DROSHA: variants seen among roughly 807,000 people sequenced by gnomAD.
The protein encoded by DROSHA is drosha ribonuclease III.
A neutral mutation model predicts 181.9 loss-of-function variants in DROSHA; 56 were observed. That is an observed-to-expected ratio of 0.31 (90% CI 0.25 to 0.38). The LOEUF is 0.38. DROSHA is among the 10% of genes least tolerant of loss of function. DROSHA has a pLI of 1.00. For missense variants in DROSHA, 1,218 were observed against 1,743.5 expected (o/e 0.70, Z 5.37); for synonymous variants, 524 against 591.2 (o/e 0.89, Z 1.65).
chr5:31,506,854 A>C (rs1738030604), intron 10 of DROSHA, among the ~76,000 whole-genome samples: 1 of 152,230 alleles, frequency 6.6e-6, no homozygotes, highest in Non-Finnish European at 1.5e-5. Context: ...GGGATCCTAC[A>C]TATTCAGCCC....
At position 31,466,459 on chromosome 5, in the gene DROSHA, G is replaced by A. The variant is rs1338943202; in HGVS notation, c.2367-178C>T. 5.4e-6 allele frequency: 3 copies of A among 554,474 alleles called. No individual in the cohort carries two copies. The East Asian group carries it at 9.6e-5, about 18-fold the overall frequency. The allele number at this position is 554,474 out of a possible 1,614,324, so 34.3% of individuals were successfully genotyped here. A position where few individuals can be genotyped will look rare whatever the true frequency, so the allele number is the denominator to read the frequency against. The stretch of plus-strand genomic sequence containing the variant: ...GACTTTGAGGCTGAGAGTCAGGATG[G>A]ACAAGAGTCAACTGGAACCTGGTGA... On this transcript the variant is annotated intron_variant, in intron 18 of 35. Coordinates refer to ENST00000344624, the MANE Select transcript of DROSHA (RefSeq NM_001382508.1).
intron 30 of DROSHA, among the ~76,000 whole-genome samples, chr5:31,419,440 T>C (rs1334440473): frequency 2.6e-5 from 4 of 152,306 alleles, no homozygotes; most frequent in South Asian, 2.1e-4. Context: ...ACTTCTGGCA[T>C]TGAAGTGACT....
chr5:31,412,820 T>C (rs1401788773), intron 30 of DROSHA, among the ~76,000 whole-genome samples: 2 of 152,324 alleles, frequency 1.3e-5, no homozygotes, highest in South Asian at 2.1e-4. Flanking sequence ...CTTGTAATTA[T>C]GGAATAATTG....
intron 11 of DROSHA, among the ~76,000 whole-genome samples, chr5:31,503,717 T>G (rs554617876): frequency 6.6e-6 from 1 of 152,322 alleles, no homozygotes; most frequent in African/African-American, 2.4e-5. Context: ...CTCGTCAACA[T>G]CTCAGAGCTC....
At chr5:31,465,262 C>A (rs1461311183) in intron 19 of DROSHA, among the ~76,000 whole-genome samples, 11 of 152,090 alleles carry the variant, frequency 7.2e-5, no homozygotes, top group African/African-American at 2.7e-4. Flanking sequence ...ATACTGAAAC[C>A]GTTTATTCTT....
chr5:31,445,950 T>C (rs1746192851), intron 23 of DROSHA, among the ~76,000 whole-genome samples: 1 of 152,084 alleles, frequency 6.6e-6, no homozygotes, highest in African/African-American at 2.4e-5. Context: ...AAAATGAAAT[T>C]AAAAGGATTA....
intron 13 of DROSHA, among the ~76,000 whole-genome samples, chr5:31,489,631 G>T (rs1170800175): frequency 6.6e-6 from 1 of 151,802 alleles, no homozygotes; most frequent in African/African-American, 2.4e-5. Flanking sequence ...ATACTTAAAA[G>T]AACATCCTAT....
Position 31,464,244 on chromosome 5 carries a change from C to T in DROSHA, c.2566G>A (p.Val856Ile), listed in dbSNP as rs1268485783. 1.9e-6 allele frequency: 3 copies of T among 1,613,452 alleles called. No individual in the cohort carries two copies. In the African/African-American group the frequency reaches 4.0e-5, roughly 22 times the overall value. Residue 856 changes from valine (V) to isoleucine (I), a missense_variant, in exon 20 of 36, where the codon GTC (valine) becomes ATC (isoleucine). Coordinates refer to ENST00000344624, the MANE Select transcript of DROSHA (RefSeq NM_001382508.1). ...GFWKTGIRSDVCQHAMMLPVL... is the reference protein window; with the variant it reads ...GFWKTGIRSDICQHAMMLPVL... Reference sequence around the variant, plus strand: ...CTCAGAAGTCTCCCCACCTGACAGACATCAGAACGGATGCCAGTTTTCCAG... The same window carrying T: ...CTCAGAAGTCTCCCCACCTGACAGATATCAGAACGGATGCCAGTTTTCCAG...
chr5:31,489,310 G>A (rs1238757410), intron 13 of DROSHA, among the ~76,000 whole-genome samples: 4 of 152,172 alleles, frequency 2.6e-5, no homozygotes, highest in Non-Finnish European at 5.9e-5. Flanking sequence ...ATTTATGCAC[G>A]TACAGTCCTT....
In DROSHA at chr5:31,460,137, G is replaced by C. The variant is rs115593314; in HGVS notation, c.2574+4099C>G. Among the ~76,000 whole-genome samples the C allele has an allele frequency of 7.9e-3, 1,200 of 152,238 alleles. 10 individuals are homozygous for C. Among genetic ancestry groups the C allele is most frequent in the Non-Finnish European group, 0.011 (763 of 68,016 alleles). On this transcript the variant is annotated intron_variant, in intron 20 of 35. Transcript: ENST00000344624. ...AAAAATACAGGTCTTACTGCAGCATGTTGCTTTTCTTCCTCTTCTGAGTCA... is the reference window on the plus strand; with the variant it reads ...AAAAATACAGGTCTTACTGCAGCATCTTGCTTTTCTTCCTCTTCTGAGTCA...
intron 13 of DROSHA, among the ~76,000 whole-genome samples, chr5:31,490,022 C>T (rs952046619): frequency 4.0e-5 from 6 of 151,868 alleles, no homozygotes; most frequent in Non-Finnish European, 7.4e-5. Flanking sequence ...ATTACAGGTG[C>T]CCGCCACCAC....
chr5:31,520,861 T>G (rs1245937923), intron 6 of DROSHA, among the ~76,000 whole-genome samples: 4 of 152,182 alleles, frequency 2.6e-5, no homozygotes, highest in African/African-American at 9.6e-5. Flanking sequence ...ATGATTAATG[T>G]ATAGTTTTAT....
At chr5:31,442,839 C>T (rs1745755382) in intron 23 of DROSHA, among the ~76,000 whole-genome samples, 1 of 151,908 alleles carries the variant, frequency 6.6e-6, no homozygotes, top group African/African-American at 2.4e-5. Flanking sequence ...GAGGACAGGC[C>T]ACAGACCCAG....
chr5:31,420,704 T>G (rs897494913), intron 30 of DROSHA, among the ~76,000 whole-genome samples: 4 of 150,442 alleles, frequency 2.7e-5, no homozygotes, highest in Admixed American at 6.6e-5. Context: ...TCCCACCAAA[T>G]CCCAATGGCT....
intron 16 of DROSHA, among the ~76,000 whole-genome samples, chr5:31,472,984 TTC>T (rs1333196947): frequency 6.6e-6 from 1 of 152,246 alleles, no homozygotes; most frequent in African/African-American, 2.4e-5. Context: ...GTCCACAGGC[TTC>T]TGCCTTCTCT....
At chr5:31,457,610 C>T (rs1167617689) in intron 20 of DROSHA, among the ~76,000 whole-genome samples, 2 of 152,080 alleles carry the variant, frequency 1.3e-5, no homozygotes, top group Non-Finnish European at 2.9e-5. Flanking sequence ...GGAACCTAGG[C>T]CAGGCACAGT....
At chr5:31,440,775 C>T (rs548062236) in intron 23 of DROSHA, among the ~76,000 whole-genome samples, 5 of 152,188 alleles carry the variant, frequency 3.3e-5, no homozygotes, top group East Asian at 1.9e-4. Context: ...TTTGTCTATA[C>T]AAAAGTATTA....
In DROSHA at chr5:31,521,311, T is replaced by C. The variant is rs1739873030; in HGVS notation, c.855-96A>G. On this transcript the variant is annotated intron_variant, in intron 5 of 35. Coordinates refer to ENST00000344624, the MANE Select transcript of DROSHA (RefSeq NM_001382508.1). ...TCATCTTGTAAATAAATGGACCACATCTAGGAATTTTTCAGGCACTGTTCA... is the reference window on the plus strand; with the variant it reads ...TCATCTTGTAAATAAATGGACCACACCTAGGAATTTTTCAGGCACTGTTCA... The C allele has an allele frequency of 6.6e-6, 9 of 1,370,674 alleles. No homozygotes were observed. The Admixed American group carries it at 1.6e-4, about 24-fold the overall frequency. The allele number at this position is 1,370,674 out of a possible 1,614,324, so 84.9% of individuals were successfully genotyped here. A position where few individuals can be genotyped will look rare whatever the true frequency, so the allele number is the denominator to read the frequency against.
At chr5:31,438,497 A>G (rs1745159904) in intron 23 of DROSHA, among the ~76,000 whole-genome samples, 1 of 152,164 alleles carries the variant, frequency 6.6e-6, no homozygotes, top group South Asian at 2.1e-4. Context: ...AATGAAGGTC[A>G]ATGGCTAGGC....
Sources: allele counts gnomAD v4.1 joint callset (sites outside exome capture counted in the v4.1 genomes callset), GRCh38; gene constraint gnomAD v4.1.1; transcripts MANE v1.5; gene names NCBI Gene and HGNC (gene_info 2026-07-23, HGNC 2026-07-21).